ST8SIA4: variants seen among roughly 807,000 people sequenced by gnomAD.
ST8SIA4 encodes the protein CMP-N-acetylneuraminate-poly-alpha-2,8-sialyltransferase.
A neutral mutation model predicts 33.9 loss-of-function variants in ST8SIA4; 15 were observed. The observed-to-expected ratio is 0.44, with a 90% CI of 0.30 to 0.68. The LOEUF is 0.68. Among genes scored for constraint, ST8SIA4 ranks in the 30% least tolerant of loss-of-function variants. The pLI, the probability that ST8SIA4 is intolerant of heterozygous loss-of-function variation, is 0.10. For missense variants in ST8SIA4, 321 were observed against 428.0 expected (o/e 0.75, Z 2.21); for synonymous variants, 171 against 151.2 (o/e 1.13, Z -0.96).
At chr5:100,861,470 T>A (rs543826210) in intron 3 of ST8SIA4, among the ~76,000 whole-genome samples, 1 of 152,252 alleles carries the variant, frequency 6.6e-6, no homozygotes, top group East Asian at 1.9e-4. Context: ...TTCCGATACT[T>A]CTGTGAAAAG....
chr5:100,844,803 T>C (rs1448982168), intron 4 of ST8SIA4, among the ~76,000 whole-genome samples: 5 of 152,122 alleles, frequency 3.3e-5, no homozygotes, highest in South Asian at 4.1e-4. Flanking sequence ...AGCTAAAGGC[T>C]TTAAACTTAT....
At chr5:100,829,190 A>G (rs567343175) in intron 4 of ST8SIA4, among the ~76,000 whole-genome samples, 2 of 152,352 alleles carry the variant, frequency 1.3e-5, no homozygotes, top group Admixed American at 1.3e-4. Context: ...CCCAGCGAAC[A>G]GTACCCAGTG....
chr5:100,880,023 A>T (rs1752382794), intron 3 of ST8SIA4, among the ~76,000 whole-genome samples: 1 of 152,114 alleles, frequency 6.6e-6, no homozygotes, highest in Admixed American at 6.5e-5. Context: ...ATTATCATTC[A>T]TGCAAGGTGG....
intron 4 of ST8SIA4, among the ~76,000 whole-genome samples, chr5:100,848,484 C>CT (rs1751614078): frequency 1.3e-5 from 2 of 149,488 alleles, no homozygotes; most frequent in East Asian, 2.0e-4. Flanking sequence ...CACATATATA[C>CT]ACACAGAGTA....
rs555254514 is a variant in ST8SIA4 at position 100,807,102 on chromosome 5, T to A, written c.*4745A>T. 6 of 151,526 alleles carry A rather than the reference T, an allele frequency of 4.0e-5. No homozygotes were observed. In the East Asian group the frequency reaches 9.7e-4, roughly 24 times the overall value. The allele number at this position is 151,526 out of a possible 1,614,324, so 9.4% of individuals were successfully genotyped here. On this transcript the variant is annotated 3_prime_UTR_variant, in exon 5 of 5. Coordinates refer to ENST00000231461, the MANE Select transcript of ST8SIA4 (RefSeq NM_005668.6). The stretch of plus-strand genomic sequence containing the variant: ...TGCCAACCACTAGGGCTAAGGGGAG[T>A]GGAAAAGCAAAGCACAAGCCAAAGC...
At chr5:100,877,249 A>C (rs374037362) in intron 3 of ST8SIA4, among the ~76,000 whole-genome samples, 18 of 152,292 alleles carry the variant, frequency 1.2e-4, no homozygotes, top group African/African-American at 4.1e-4. Context: ...CAGGATAATA[A>C]AAAATTCTAG....
chr5:100,882,287 TAGTGGCATTTTGC>T (rs1415839403), intron 3 of ST8SIA4, among the ~76,000 whole-genome samples: 1 of 152,196 alleles, frequency 6.6e-6, no homozygotes, highest in East Asian at 1.9e-4. Flanking sequence ...GCAAAAAGAC[TAGTGGCATTTTGC>T]CCCTGCCCTA....
chr5:100,897,025 A>G (rs1027375425), intron 1 of ST8SIA4, among the ~76,000 whole-genome samples: 2 of 152,134 alleles, frequency 1.3e-5, no homozygotes, highest in African/African-American at 2.4e-5. Context: ...GTAATATACA[A>G]TGGCTTTGTG....
At chr5:100,852,339 C>G (rs1751722165) in intron 4 of ST8SIA4, among the ~76,000 whole-genome samples, 1 of 151,564 alleles carries the variant, frequency 6.6e-6, no homozygotes, top group Non-Finnish European at 1.5e-5. Context: ...CCAGGCTCGT[C>G]TCAAACTCCT....
intron 1 of ST8SIA4, among the ~76,000 whole-genome samples, chr5:100,900,136 G>C (rs1337788223): frequency 6.6e-6 from 1 of 152,200 alleles, no homozygotes; most frequent in Non-Finnish European, 1.5e-5. Context: ...ATTTGCGGGG[G>C]GGAAGGGTCG....
At chr5:100,887,233 G>A (rs182337682) in intron 2 of ST8SIA4, among the ~76,000 whole-genome samples, 100 of 152,134 alleles carry the variant, frequency 6.6e-4, no homozygotes, top group South Asian at 3.5e-3. Flanking sequence ...TGAATAGATA[G>A]AACATTGGAC....
At chr5:100,872,366 A>G (rs909081764) in intron 3 of ST8SIA4, among the ~76,000 whole-genome samples, 6 of 151,964 alleles carry the variant, frequency 3.9e-5, no homozygotes, top group African/African-American at 1.4e-4. Flanking sequence ...TCTTGTATGT[A>G]TCTTGAAATA....
chr5:100,874,583 C>CT (rs562709740), intron 3 of ST8SIA4, among the ~76,000 whole-genome samples: 1 of 151,284 alleles, frequency 6.6e-6, no homozygotes, highest in African/African-American at 2.4e-5. Context: ...TTTTTTCTTC[C>CT]TTTTTTTGAG....
chr5:100,893,468 T>C (rs1752715629), intron 2 of ST8SIA4, among the ~76,000 whole-genome samples: 1 of 152,174 alleles, frequency 6.6e-6, no homozygotes, highest in African/African-American at 2.4e-5. Context: ...AGTACTAACA[T>C]TTCATTCATA....
chr5:100,854,828 A>G (rs1192934920), intron 4 of ST8SIA4, among the ~76,000 whole-genome samples: 1 of 152,096 alleles, frequency 6.6e-6, no homozygotes, highest in Non-Finnish European at 1.5e-5. Context: ...CATTGTATTT[A>G]ATTGGCCCCC....
intron 4 of ST8SIA4, among the ~76,000 whole-genome samples, chr5:100,814,875 A>G (rs1250329090): frequency 6.6e-6 from 1 of 152,100 alleles, no homozygotes; most frequent in African/African-American, 2.4e-5. Flanking sequence ...CCAGACTACA[A>G]TTTTGAAATC....
intron 1 of ST8SIA4, among the ~76,000 whole-genome samples, chr5:100,899,253 A>C (rs1159230049): frequency 1.3e-5 from 2 of 152,242 alleles, no homozygotes; most frequent in African/African-American, 4.8e-5. Context: ...CTGAATACAC[A>C]CAGCAGGCCA....
intron 4 of ST8SIA4, among the ~76,000 whole-genome samples, chr5:100,845,580 A>G (rs1331652021): frequency 6.6e-6 from 1 of 151,894 alleles, no homozygotes; most frequent in Non-Finnish European, 1.5e-5. Context: ...TGCACCTTCT[A>G]TCACTCATTA....
intron 4 of ST8SIA4, among the ~76,000 whole-genome samples, chr5:100,854,676 A>C (rs753413141): frequency 9.2e-5 from 14 of 152,200 alleles, no homozygotes; most frequent in Non-Finnish European, 1.9e-4. Context: ...AACTATCTAG[A>C]GATTTAAACA....
Sources: gnomAD v4.1 joint callset for allele counts (sites outside exome capture counted in the v4.1 genomes callset) on GRCh38, gnomAD v4.1.1 for gene constraint, MANE v1.5 for transcripts, NCBI Gene and HGNC (gene_info 2026-07-23, HGNC 2026-07-21) for gene names.